The following BLK variants were observed in gnomAD, a reference collection of about 807,000 sequenced individuals.
BLK encodes the protein tyrosine-protein kinase Blk.
In BLK, 64 loss-of-function variants were observed where a neutral mutation model predicts 61.8. The ratio of observed to expected loss-of-function variants is 1.03; its 90% CI spans 0.85 to 1.27. BLK has a LOEUF of 1.27. Among genes scored for constraint, BLK ranks in the 50% most tolerant of loss-of-function variants. The probability of loss-of-function intolerance (pLI) is 0.00; values close to 1 mark genes in which losing one functional copy is unlikely to be tolerated. For synonymous variants in BLK, 351 were observed against 272.0 expected, an observed-to-expected ratio of 1.29 and a Z score of -2.86; for missense variants, 853 against 660.5, an observed-to-expected ratio of 1.29 and a Z score of -3.19.
rs1243063584 is a variant in BLK at position 11,549,144 on chromosome 8, C to A, written c.368+22C>A. The A allele has an allele frequency of 2.5e-6, 4 of 1,570,532 alleles. No homozygotes were observed. In the African/African-American group the frequency reaches 4.0e-5, roughly 16 times the overall value. ...AAAGGTAGGTGGGCACGGGAACCCCCCTCGAGCCAAGATGCAGTCACTGTT... is the reference window on the plus strand; with the variant it reads ...AAAGGTAGGTGGGCACGGGAACCCCACTCGAGCCAAGATGCAGTCACTGTT... On this transcript the variant is annotated intron_variant, in intron 5 of 12. Transcript: ENST00000259089.
rs145000599 is a variant in BLK, at chr8:11,529,321, T to A, written c.-1-13903T>A. Among the ~76,000 whole-genome samples, 323 of 152,244 alleles carry A rather than the reference T, an allele frequency of 2.1e-3. 1 individual carries two copies. Among genetic ancestry groups the A allele is most frequent in the African/African-American group, 7.2e-3 (297 of 41,534 alleles). Reference sequence around the variant, plus strand: ...CCTTGAGCATTCGGCGATCAGAGTTTTTAAGAATAATTTGGTGGGTGGAGG... The same window carrying A: ...CCTTGAGCATTCGGCGATCAGAGTTATTAAGAATAATTTGGTGGGTGGAGG... On this transcript the variant is annotated intron_variant, in intron 1 of 12. Transcript: ENST00000259089.
In BLK at chr8:11,527,268, T is replaced by G. The variant is rs144984861; in HGVS notation, c.-1-15956T>G. Among the ~76,000 whole-genome samples, 8 of 152,260 alleles carry G rather than the reference T, an allele frequency of 5.3e-5. No individual in the cohort carries two copies. The East Asian group carries it at 1.5e-3, about 29-fold the overall frequency. On this transcript the variant is annotated intron_variant, in intron 1 of 12. Transcript: ENST00000259089. ...ACCTCTAAGGGGGTGTAAATAACATTCCACAAAATTCACCCATTTGGGGCA... is the reference window on the plus strand; with the variant it reads ...ACCTCTAAGGGGGTGTAAATAACATGCCACAAAATTCACCCATTTGGGGCA...
In BLK at chr8:11,531,589, G is replaced by T. The variant is rs570611246; in HGVS notation, c.-1-11635G>T. Among the ~76,000 whole-genome samples, 12 of 152,284 alleles carry T rather than the reference G, an allele frequency of 7.9e-5. No homozygotes were observed. The South Asian group carries it at 2.5e-3, about 32-fold the overall frequency. ...TGTGGTTTTCTTCATACTTGGGGTT[G>T]ATATTCTTGAGTCTTCGGGTCTATA... On this transcript the variant is annotated intron_variant, in intron 1 of 12. Transcript: ENST00000259089.
chr8:11,504,985 CACAT>C (rs755383523), intron 1 of BLK, among the ~76,000 whole-genome samples: 3 of 152,116 alleles, frequency 2.0e-5, no homozygotes, highest in Non-Finnish European at 2.9e-5. Flanking sequence ...TGCACACAGA[CACAT>C]AGATACAGAC....
intron 1 of BLK, among the ~76,000 whole-genome samples, chr8:11,499,415 G>A (rs1351194922): frequency 6.6e-6 from 1 of 152,162 alleles, no homozygotes; most frequent in Non-Finnish European, 1.5e-5. Flanking sequence ...AACTTCCCCT[G>A]TATCCAGATA....
intron 10 of BLK, chr8:11,558,558 C>T (rs937808628): frequency 2.7e-4 from 116 of 436,638 alleles, no homozygotes; most frequent in Non-Finnish European, 6.9e-5. Context: ...TTCTCTGAGC[C>T]CTGGAGGACA....
Position 11,556,883 on chromosome 8 carries a change from C to A in BLK, c.952+46C>A, listed in dbSNP as rs143469940. The A allele has an allele frequency of 2.9e-4, 462 of 1,583,344 alleles. 3 individuals carry two copies. The highest frequency in any genetic ancestry group is 2.8e-3 in the African/African-American group (208 of 73,910). On this transcript the variant is annotated intron_variant, in intron 9 of 12. Coordinates refer to ENST00000259089, the MANE Select transcript of BLK (RefSeq NM_001715.3). ...GCATCCTCAGAGCGAGGCGGGAGGG[C>A]CGGGCTTAGCAGGAGGAGGAGGGTC...
At chr8:11,557,776 C>G (rs948425360) in intron 9 of BLK, 186 bp from the exon 10 acceptor site, 2 of 601,778 alleles carry the variant, frequency 3.3e-6, no homozygotes, top group African/African-American at 3.7e-5. Flanking sequence ...GGTGCTGAGA[C>G]TGGCATTTTG....
At chr8:11,561,228 G>A (rs776422416) in intron 10 of BLK, 74 bp from the exon 11 acceptor site, 23 of 1,557,124 alleles carry the variant, frequency 1.5e-5, no homozygotes, top group Middle Eastern at 1.7e-4. Context: ...GGGGCTGTGC[G>A]GGGGACACAG....
intron 1 of BLK, among the ~76,000 whole-genome samples, chr8:11,500,286 C>T (rs1274762157): frequency 6.6e-6 from 1 of 152,062 alleles, no homozygotes; most frequent in Non-Finnish European, 1.5e-5. Flanking sequence ...CTCCGCCTCC[C>T]GGGTTCAAGC....
intron 1 of BLK, among the ~76,000 whole-genome samples, chr8:11,517,603 T>G (rs1266230860): frequency 2.0e-5 from 3 of 152,222 alleles, no homozygotes; most frequent in Non-Finnish European, 4.4e-5. Context: ...CCGTGATGTT[T>G]GAGAGCTTTT....
intron 2 of BLK, among the ~76,000 whole-genome samples, chr8:11,544,682 C>G (rs1800541326): frequency 6.6e-6 from 1 of 152,108 alleles, no homozygotes; most frequent in South Asian, 2.1e-4. Context: ...ACTCATTATT[C>G]CACTATGTAG....
chr8:11,561,013 A>G (rs1801482640), intron 10 of BLK: 4 of 601,042 alleles, frequency 6.7e-6, no homozygotes, highest in Non-Finnish European at 6.3e-6. Flanking sequence ...GTGTTCTTCT[A>G]TCTTCCATCT....
In BLK at chr8:11,543,364, C is replaced by T. The variant is rs772717880; in HGVS notation, c.123+17C>T. The stretch of plus-strand genomic sequence containing the variant: ...CCGCCCCTGGTGAGTGATTGCCCAC[C>T]CCCACCAAGAGCAGATTACTTACTT... On this transcript the variant is annotated intron_variant, in intron 2 of 12. Coordinates refer to ENST00000259089, the MANE Select transcript of BLK (RefSeq NM_001715.3). The T allele has an allele frequency of 1.6e-5, 26 of 1,611,878 alleles. No individual in the cohort carries two copies. Among genetic ancestry groups the T allele is most frequent in the Non-Finnish European group, 2.1e-5 (25 of 1,179,964 alleles).
intron 1 of BLK, among the ~76,000 whole-genome samples, chr8:11,502,565 G>A (rs749240788): frequency 1.3e-5 from 2 of 152,188 alleles, no homozygotes; most frequent in Non-Finnish European, 2.9e-5. Flanking sequence ...TGGGATTACA[G>A]ACATGAGCCA....
intron 1 of BLK, among the ~76,000 whole-genome samples, chr8:11,526,518 A>T (rs946157142): frequency 1.3e-5 from 2 of 152,184 alleles, no homozygotes; most frequent in Non-Finnish European, 2.9e-5. Context: ...CAGGAGTTTG[A>T]GACCAGCCTG....
chr8:11,536,332 T>C (rs1459219695), intron 1 of BLK, among the ~76,000 whole-genome samples: 1 of 152,234 alleles, frequency 6.6e-6, no homozygotes, highest in Non-Finnish European at 1.5e-5. Context: ...AAAACAATTT[T>C]AAAGATAATT....
Position 11,494,602 on chromosome 8 carries a change from G to A in BLK, c.-2+11G>A, listed in dbSNP as rs778013212. ...TGAAGCATTGCCAAGGTGAGGCCCT[G>A]CGTCTTCCGGGTTCTTTATCGTCTT... is the stretch of plus-strand genomic sequence containing the variant. On this transcript the variant is annotated intron_variant, in intron 1 of 12. Coordinates refer to ENST00000259089, the MANE Select transcript of BLK (RefSeq NM_001715.3). 1 of 152,300 alleles carries A rather than the reference G, an allele frequency of 6.6e-6. No individual in the cohort carries two copies. The highest frequency in any genetic ancestry group is 1.5e-5 in the Non-Finnish European group (1 of 68,100). 9.4% of individuals were successfully genotyped at this position (152,300 alleles called of 1,614,324 possible). A position where few individuals can be genotyped will look rare whatever the true frequency, so the allele number is the denominator to read the frequency against.
intron 1 of BLK, among the ~76,000 whole-genome samples, chr8:11,520,618 T>C (rs1799412666): frequency 6.6e-6 from 1 of 151,956 alleles, no homozygotes; most frequent in South Asian, 2.1e-4. Flanking sequence ...ACTTCCTAGA[T>C]ATCTTCTGCA....
Sources: gnomAD v4.1 joint callset for allele counts (sites outside exome capture counted in the v4.1 genomes callset) on GRCh38, gnomAD v4.1.1 for gene constraint, MANE v1.5 for transcripts, NCBI Gene and HGNC (gene_info 2026-07-23, HGNC 2026-07-21) for gene names.